Variants in HMCN1 observed in about 807,000 individuals in gnomAD.
The protein encoded by HMCN1 is hemicentin-1.
Under a neutral mutation model 625.9 loss-of-function variants are expected in HMCN1, and 321 were observed. The ratio of observed to expected loss-of-function variants is 0.51; its 90% CI spans 0.47 to 0.56. HMCN1 has a LOEUF of 0.56. Ranked by LOEUF, HMCN1 falls within the 20% of genes least tolerant of loss-of-function variation. HMCN1 has a pLI of 0.00. For missense variants in HMCN1, 6,588 were observed against 6,887.3 expected, an observed-to-expected ratio of 0.96 and a Z score of 1.54; for synonymous variants, 2,425 against 2,417.6, an observed-to-expected ratio of 1.00 and a Z score of -0.09.
At chr1:186,052,055 A>G (rs950272963) in intron 42 of HMCN1, among the ~76,000 whole-genome samples, 6 of 151,988 alleles carry the variant, frequency 3.9e-5, no homozygotes, top group African/African-American at 1.2e-4. Flanking sequence ...ATACAGAATG[A>G]TGGCAGGGCT....
At chr1:186,054,945 GT>G (rs1657215413) in intron 44 of HMCN1, among the ~76,000 whole-genome samples, 1 of 151,952 alleles carries the variant, frequency 6.6e-6, no homozygotes, top group Non-Finnish European at 1.5e-5. Flanking sequence ...GGTTACCCCA[GT>G]TTTCCAACAA....
At chr1:186,067,514 C>T (rs1035890907) in intron 49 of HMCN1, among the ~76,000 whole-genome samples, 2 of 152,128 alleles carry the variant, frequency 1.3e-5, no homozygotes, top group African/African-American at 4.8e-5. Context: ...ACCCTTCACA[C>T]TAAACACCTC....
intron 12 of HMCN1, 24 bp downstream of exon 12, chr1:185,962,683 T>C (rs751717234): frequency 7.0e-7 from 1 of 1,422,194 alleles, no homozygotes; most frequent in Admixed American, 1.7e-5. Context: ...ATCATGTTTT[T>C]GTTTTTATTG....
intron 25 of HMCN1, among the ~76,000 whole-genome samples, chr1:185,999,778 G>A (rs568846614): frequency 9.2e-5 from 14 of 152,110 alleles, no homozygotes; most frequent in Admixed American, 7.9e-4. Context: ...CTAGGAAAAT[G>A]CTTTACTTAC....
intron 103 of HMCN1, among the ~76,000 whole-genome samples, chr1:186,176,339 C>A (rs1183853209): frequency 3.3e-5 from 5 of 152,184 alleles, no homozygotes; most frequent in Admixed American, 6.5e-5. Context: ...ACCTCTAAAA[C>A]TTATAATGGT....
In HMCN1 at chr1:185,792,965, A is replaced by G. The variant is rs77285680; in HGVS notation, c.269-53061A>G. 3.2e-3 allele frequency among the ~76,000 whole-genome samples: 487 copies of G among 152,352 alleles called. 1 individual carries two copies. Among genetic ancestry groups the G allele is most frequent in the Non-Finnish European group, 5.4e-3 (368 of 68,026 alleles). On this transcript the variant is annotated intron_variant, in intron 1 of 106. Transcript: ENST00000271588. ...AGCAATGCTTTCAGTCTCTAGGCTC[A>G]AGAATAAACTATCTAGTGTATAGGA...
chr1:186,088,153 A>C lies in HMCN1; in HGVS notation c.9454A>C (p.Ser3152Arg). The part of the protein sequence containing the change: ...NFHLNVYVPP[S>R]IEGPEREVIV... The stretch of plus-strand genomic sequence containing the variant: ...TTGTTTGTTTTTTACAGTGCCACCC[A>C]GTATTGAAGGACCTGAAAGAGAAGT... Residue 3152 changes from serine (S) to arginine (R), a missense_variant, in exon 62 of 107, where the codon AGT becomes CGT. Transcript: ENST00000271588. The C allele has an allele frequency of 6.2e-7, 1 of 1,608,490 alleles. No individual in the cohort carries two copies. Among genetic ancestry groups the C allele is most frequent in the Non-Finnish European group, 8.5e-7 (1 of 1,176,752 alleles).
chr1:186,043,513 G>A (rs1476388287), intron 40 of HMCN1, among the ~76,000 whole-genome samples: 1 of 152,070 alleles, frequency 6.6e-6, no homozygotes, highest in East Asian at 1.9e-4. Flanking sequence ...GTAACTGAAG[G>A]AAAATATATT....
chr1:186,096,166 A>G (rs113510503), intron 68 of HMCN1, among the ~76,000 whole-genome samples: 1 of 152,186 alleles, frequency 6.6e-6, no homozygotes, highest in African/African-American at 2.4e-5. Flanking sequence ...TGCTCCTTAC[A>G]TAGCAGAAAA....
intron 1 of HMCN1, among the ~76,000 whole-genome samples, chr1:185,782,147 T>C (rs980295251): frequency 2.6e-5 from 4 of 152,214 alleles, no homozygotes; most frequent in Non-Finnish European, 5.9e-5. Flanking sequence ...AAGTCTGTTT[T>C]ATCAGAGACT....
chr1:186,076,532 T>C lies in HMCN1; in HGVS notation c.8395T>C (p.Cys2799Arg). 1 of 1,613,830 alleles carries C rather than the reference T, an allele frequency of 6.2e-7. No individual in the cohort carries two copies. The highest frequency in any genetic ancestry group is 8.5e-7 in the Non-Finnish European group (1 of 1,179,792). The stretch of plus-strand genomic sequence containing the variant: ...CATCAACAATCCCATTTCTCTTTAC[T>C]GTGAGACAAATGCTGCTCCCCCTCC... Reference protein sequence around the residue: ...VIINNPISLYCETNAAPPPTL... With the variant: ...VIINNPISLYRETNAAPPPTL... The change falls in exon 54 of 107, where the codon TGT becomes CGT. Residue 2799 changes from cysteine (C) to arginine (R), a missense_variant. By Grantham distance (180) the Cys-to-Arg change is radical. Transcript: ENST00000271588.
intron 4 of HMCN1, among the ~76,000 whole-genome samples, chr1:185,884,933 T>A (rs1348378417): frequency 6.6e-6 from 1 of 152,068 alleles, no homozygotes; most frequent in Non-Finnish European, 1.5e-5. Flanking sequence ...TTGTTTTGTA[T>A]AAACTGGTAA....
At chr1:186,091,057 A>C (rs1315022828) in intron 64 of HMCN1, 140 bp downstream of exon 64, 1 of 970,226 alleles carries the variant, frequency 1.0e-6, no homozygotes, top group Non-Finnish European at 1.5e-6. Context: ...GAAACAAAAA[A>C]CTTTTTTTTG....
chr1:185,839,231 T>C (rs998274514), intron 1 of HMCN1, among the ~76,000 whole-genome samples: 3 of 152,224 alleles, frequency 2.0e-5, no homozygotes, highest in African/African-American at 7.2e-5. Context: ...TAGATTTATT[T>C]TGAAAAATAT....
At chr1:186,101,001 T>A (rs917913488) in intron 68 of HMCN1, among the ~76,000 whole-genome samples, 1 of 152,000 alleles carries the variant, frequency 6.6e-6, no homozygotes, top group Non-Finnish European at 1.5e-5. Context: ...CACCTACATC[T>A]CATTGGTCAG....
At chr1:185,747,800 C>A (rs2102084982) in intron 1 of HMCN1, among the ~76,000 whole-genome samples, 1 of 152,226 alleles carries the variant, frequency 6.6e-6, no homozygotes, top group East Asian at 1.9e-4. Flanking sequence ...AAACGTTAAA[C>A]ACTAATTGGA....
At chr1:185,995,685 C>T (rs1227816312) in intron 24 of HMCN1, among the ~76,000 whole-genome samples, 4 of 152,042 alleles carry the variant, frequency 2.6e-5, no homozygotes, top group Admixed American at 1.3e-4. Flanking sequence ...GTGAAAAGTG[C>T]TTTGTGGGAA....
At chr1:186,167,089 A>C in intron 100 of HMCN1, 147 bp downstream of exon 100, 2 of 988,610 alleles carry the variant, frequency 2.0e-6, no homozygotes, top group Non-Finnish European at 3.1e-6. Flanking sequence ...AGCAAGAGGG[A>C]CTCCTGTCTC....
chr1:185,895,497 T>C (rs2102421670), intron 4 of HMCN1, among the ~76,000 whole-genome samples: 5 of 152,352 alleles, frequency 3.3e-5, no homozygotes, highest in Middle Eastern at 6.8e-3. Context: ...AGGTGCTGAC[T>C]TCAGTATATT....
Sources: gnomAD v4.1 joint callset for allele counts (sites outside exome capture counted in the v4.1 genomes callset) on GRCh38, gnomAD v4.1.1 for gene constraint, MANE v1.5 for transcripts, NCBI Gene and HGNC (gene_info 2026-07-23, HGNC 2026-07-21) for gene names.